TMEM108: variants seen among roughly 807,000 people sequenced by gnomAD.
TMEM108 encodes the protein cancer/testis antigen 124.
In TMEM108, 12 loss-of-function variants were observed where a neutral mutation model predicts 35.1. That is an observed-to-expected ratio of 0.34 (90% CI 0.22 to 0.55). TMEM108 has a LOEUF of 0.55. Ranked by LOEUF, TMEM108 falls within the 20% of genes least tolerant of loss-of-function variation. The pLI, the probability that TMEM108 is intolerant of heterozygous loss-of-function variation, is 0.89. For synonymous variants in TMEM108, 287 were observed against 308.6 expected (o/e 0.93, Z 0.73); for missense variants, 680 against 753.3 (o/e 0.90, Z 1.14).
intron 3 of TMEM108, among the ~76,000 whole-genome samples, chr3:133,319,407 T>C (rs1209610696): frequency 6.6e-6 from 1 of 152,220 alleles, no homozygotes; most frequent in Non-Finnish European, 1.5e-5. Flanking sequence ...CACGACCTCC[T>C]GGCTGTAGGC....
At chr3:133,391,134 A>G (rs548662532) in intron 5 of TMEM108, among the ~76,000 whole-genome samples, 4 of 152,194 alleles carry the variant, frequency 2.6e-5, no homozygotes, top group Admixed American at 6.5e-5. Flanking sequence ...AGTCACTGAA[A>G]GTTTTGATCT....
At chr3:133,148,608 A>G (rs1313362288) in intron 2 of TMEM108, among the ~76,000 whole-genome samples, 1 of 152,166 alleles carries the variant, frequency 6.6e-6, no homozygotes, top group African/African-American at 2.4e-5. Flanking sequence ...TATTAACAGG[A>G]CTTCATCATG....
chr3:133,248,529 T>C (rs1296664607), intron 3 of TMEM108: 2 of 152,214 alleles, frequency 1.3e-5, no homozygotes, highest in African/African-American at 4.8e-5. Flanking sequence ...GCTCCAGCCT[T>C]TCCCTTGCAG....
At chr3:133,377,001 C>T (rs1038624754) in intron 3 of TMEM108, among the ~76,000 whole-genome samples, 1 of 152,120 alleles carries the variant, frequency 6.6e-6, no homozygotes, top group Non-Finnish European at 1.5e-5. Flanking sequence ...TTGCAGATGG[C>T]GTCCTCTAGC....
chr3:133,379,508 G>A (rs1307437383), intron 3 of TMEM108, among the ~76,000 whole-genome samples: 1 of 152,108 alleles, frequency 6.6e-6, no homozygotes, highest in East Asian at 1.9e-4. Context: ...CCTGGCCAGG[G>A]TAGCTGCTCT....
chr3:133,193,938 C>CTTT lies in TMEM108; in HGVS notation c.-46-35314_-46-35312dup, dbSNP rs34225124. Among the ~76,000 whole-genome samples, 44 of 139,658 alleles carry CTTT rather than the reference C, an allele frequency of 3.2e-4. 3 individuals are homozygous for CTTT. The highest frequency in any genetic ancestry group is 4.0e-4 in the Non-Finnish European group (26 of 64,450). 91.6% of individuals were successfully genotyped at this position (139,658 alleles called of 152,430 possible). A position where few individuals can be genotyped will look rare whatever the true frequency, so the allele number is the denominator to read the frequency against. ...CTTAGGAATAGTAGGAACATTGATT[C>CTTT]TTTTTTTTTTTTTTTTGAGACAGAG... On this transcript the variant is annotated intron_variant, in intron 2 of 5. Coordinates refer to ENST00000321871, the MANE Select transcript of TMEM108 (RefSeq NM_023943.4).
intron 1 of TMEM108, among the ~76,000 whole-genome samples, chr3:133,042,633 A>T (rs550241689): frequency 3.3e-5 from 5 of 152,342 alleles, no homozygotes; most frequent in African/African-American, 1.2e-4. Context: ...TTCCTCCCAG[A>T]AAAGTGGTTG....
At chr3:133,106,690 C>A (rs531246324) in intron 2 of TMEM108, among the ~76,000 whole-genome samples, 1 of 152,308 alleles carries the variant, frequency 6.6e-6, no homozygotes, top group South Asian at 2.1e-4. Context: ...GGAAAATAGC[C>A]ACCATGTTGT....
intron 3 of TMEM108, among the ~76,000 whole-genome samples, chr3:133,290,424 C>T (rs1307480960): frequency 6.6e-6 from 1 of 152,046 alleles, no homozygotes; most frequent in Admixed American, 6.5e-5. Context: ...AGTTTGAGAC[C>T]AGACTAGCCA....
At position 133,137,069 on chromosome 3, in the gene TMEM108, T is replaced by C. The variant is rs568254000; in HGVS notation, c.-47+91049T>C. Among the ~76,000 whole-genome samples, 4 of 152,336 alleles carry C rather than the reference T, an allele frequency of 2.6e-5. 1 individual carries two copies. Among genetic ancestry groups the C allele is most frequent in the African/African-American group, 9.6e-5 (4 of 41,584 alleles). ...AAATTAGTTATGATAAGAAGTTGTA[T>C]TCCTACATCTGCATAGAGACGGTGT... On this transcript the variant is annotated intron_variant, in intron 2 of 5. Transcript: ENST00000321871.
At position 133,389,382 on chromosome 3, in the gene TMEM108, G is replaced by A. The variant is rs920850026; in HGVS notation, c.1451-798G>A. 1.1e-5 allele frequency: 11 copies of A among 985,340 alleles called. No individual in the cohort carries two copies. In the African/African-American group the frequency reaches 1.6e-4, roughly 14 times the overall value. The allele number at this position is 985,340 out of a possible 1,614,324, so 61.0% of individuals were successfully genotyped here. On this transcript the variant is annotated intron_variant, in intron 4 of 5. Coordinates refer to ENST00000321871, the MANE Select transcript of TMEM108 (RefSeq NM_023943.4). The stretch of plus-strand genomic sequence containing the variant: ...CATCAATCTAAGGCAGGAATCAGCT[G>A]GTAAGAGCATAGACTGGCCAGGTGC...
intron 3 of TMEM108, among the ~76,000 whole-genome samples, chr3:133,278,012 A>G (rs1056421774): frequency 6.6e-6 from 1 of 152,232 alleles, no homozygotes; most frequent in Non-Finnish European, 1.5e-5. Context: ...TCCTAGTGGC[A>G]TAATCACTTT....
At chr3:133,325,083 C>T (rs2071313796) in intron 3 of TMEM108, among the ~76,000 whole-genome samples, 1 of 152,038 alleles carries the variant, frequency 6.6e-6, no homozygotes, top group Non-Finnish European at 1.5e-5. Flanking sequence ...AGCGTAAATG[C>T]CCATCAACCA....
At chr3:133,119,252 G>GA (rs1023027498) in intron 2 of TMEM108, 28 of 151,768 alleles carry the variant, frequency 1.8e-4, no homozygotes, top group African/African-American at 6.3e-4. Context: ...AAAAAAGAGG[G>GA]AAAAAAGAGT....
intron 3 of TMEM108, among the ~76,000 whole-genome samples, chr3:133,371,957 G>C (rs1409511417): frequency 6.6e-6 from 1 of 152,180 alleles, no homozygotes; most frequent in Admixed American, 6.5e-5. Context: ...AGCTGGAGTA[G>C]AGATAAGCTT....
intron 3 of TMEM108, among the ~76,000 whole-genome samples, chr3:133,359,009 T>C (rs2072263980): frequency 6.6e-6 from 1 of 152,176 alleles, no homozygotes; most frequent in South Asian, 2.1e-4. Flanking sequence ...TAATGTTATA[T>C]TGAAACAGCC....
intron 2 of TMEM108, among the ~76,000 whole-genome samples, chr3:133,146,075 C>A (rs1416629770): frequency 6.6e-6 from 1 of 152,138 alleles, no homozygotes; most frequent in African/African-American, 2.4e-5. Flanking sequence ...CAACTTTGGC[C>A]CATTCAGTAT....
intron 3 of TMEM108, among the ~76,000 whole-genome samples, chr3:133,349,164 A>G (rs2071913766): frequency 6.6e-6 from 1 of 151,718 alleles, no homozygotes; most frequent in Non-Finnish European, 1.5e-5. Context: ...GAATACAAAT[A>G]TAATACTATT....
At chr3:133,129,552 C>T (rs1944462566) in intron 2 of TMEM108, among the ~76,000 whole-genome samples, 1 of 152,126 alleles carries the variant, frequency 6.6e-6, no homozygotes, top group Non-Finnish European at 1.5e-5. Flanking sequence ...CACTCACGGA[C>T]AGGAAGCAGA....
Sources: gnomAD v4.1 joint callset for allele counts (sites outside exome capture counted in the v4.1 genomes callset) on GRCh38, gnomAD v4.1.1 for gene constraint, MANE v1.5 for transcripts, NCBI Gene and HGNC (gene_info 2026-07-23, HGNC 2026-07-21) for gene names.